The following CSGALNACT1 variants were observed in gnomAD, a reference collection of about 807,000 sequenced individuals.
The protein encoded by CSGALNACT1 is chondroitin sulfate N-acetylgalactosaminyltransferase 1, also known as beta4GalNAcT-1.
CSGALNACT1 carries 52 observed loss-of-function variants against 51.0 expected under a neutral mutation model. The observed-to-expected ratio is 1.02, with a 90% CI of 0.82 to 1.29. The LOEUF is 1.29. Ranked by LOEUF, CSGALNACT1 falls within the 50% of genes most tolerant of loss-of-function variation. The pLI is 0.00. For synonymous variants in CSGALNACT1, 341 were observed against 254.4 expected (o/e 1.34, Z -3.24); for missense variants, 935 against 679.2 (o/e 1.38, Z -4.19).
intron 1 of CSGALNACT1, among the ~76,000 whole-genome samples, chr8:19,714,879 T>C (rs1345492783): frequency 1.3e-5 from 2 of 152,138 alleles, no homozygotes; most frequent in Non-Finnish European, 2.9e-5. Context: ...GTAATAAGCG[T>C]AATACCTGAT....
At chr8:19,686,421 A>G (rs1276896362), upstream of CSGALNACT1, among the ~76,000 whole-genome samples, 1 of 152,220 alleles carries the variant, frequency 6.6e-6, no homozygotes, top group African/African-American at 2.4e-5. Flanking sequence ...TCTTGCTGCC[A>G]CAGCCACCAA....
chr8:19,707,635 A>G (rs904221698), intron 1 of CSGALNACT1, among the ~76,000 whole-genome samples: 8 of 151,934 alleles, frequency 5.3e-5, no homozygotes, highest in African/African-American at 1.9e-4. Flanking sequence ...GCTACACGCA[A>G]TGGAAGACTA....
At chr8:19,553,925 A>ACACACACACC (rs1554697907) in intron 3 of CSGALNACT1, among the ~76,000 whole-genome samples, 7 of 151,632 alleles carry the variant, frequency 4.6e-5, no homozygotes, top group Admixed American at 1.3e-4. Context: ...ACACACACAC[A>ACACACACACC]CCCAGAATCA....
intron 3 of CSGALNACT1, among the ~76,000 whole-genome samples, chr8:19,570,073 G>A (rs1051267894): frequency 6.6e-6 from 1 of 151,440 alleles, no homozygotes; most frequent in Admixed American, 6.6e-5. Flanking sequence ...AAATGGAAGG[G>A]AGGGTAGATT....
At chr8:19,404,394 C>T in exon 10 of CSGALNACT1, 1 of 453,260 alleles carries the variant, frequency 2.2e-6, no homozygotes, top group South Asian at 1.6e-5. Context: ...ATAATTTTCA[C>T]ATGAATGAAG....
chr8:19,537,178 G>T (rs1240174997), intron 3 of CSGALNACT1, among the ~76,000 whole-genome samples: 2 of 152,088 alleles, frequency 1.3e-5, no homozygotes, highest in Non-Finnish European at 2.9e-5. Flanking sequence ...ACAAGAAATG[G>T]TTAATTTGTT....
intron 4 of CSGALNACT1, among the ~76,000 whole-genome samples, chr8:19,495,602 T>C (rs2075312297): frequency 6.6e-6 from 1 of 152,124 alleles, no homozygotes; most frequent in Admixed American, 6.5e-5. Context: ...TCACTACTGA[T>C]GGGTCCTTAG....
chr8:19,752,318 C>T (rs1047597385), intron 1 of CSGALNACT1, among the ~76,000 whole-genome samples: 6 of 151,832 alleles, frequency 4.0e-5, no homozygotes, highest in Non-Finnish European at 8.8e-5. Flanking sequence ...CAGGTTGTGC[C>T]GCAAAGTGTG....
chr8:19,492,181 A>G (rs946089892), intron 4 of CSGALNACT1, among the ~76,000 whole-genome samples: 9 of 152,222 alleles, frequency 5.9e-5, no homozygotes, highest in African/African-American at 1.9e-4. Context: ...ATATGCGAGA[A>G]GGCTCTTCTT....
intron 3 of CSGALNACT1, among the ~76,000 whole-genome samples, chr8:19,564,119 T>G (rs998316752): frequency 2.6e-5 from 4 of 152,170 alleles, no homozygotes; most frequent in African/African-American, 9.7e-5. Context: ...AAACGCTTCT[T>G]TCACTGAACT....
rs552767015 is a variant in CSGALNACT1, at chr8:19,751,164, A to G, written c.-297+6686T>C. Among the ~76,000 whole-genome samples, 63 of 152,302 alleles carry G rather than the reference A, an allele frequency of 4.1e-4. No homozygotes were observed. In the South Asian group the frequency reaches 0.013, roughly 31 times the overall value. On this transcript the variant is annotated intron_variant, in intron 1 of 1. Coordinates refer to the CSGALNACT1 transcript ENST00000517494. ...GAGTATTTATGCTGGAAAAGACAGC[A>G]AAGAAGTCATGAGCTCAGGTCCTGG...
intron 3 of CSGALNACT1, among the ~76,000 whole-genome samples, chr8:19,513,437 T>TATATATATATATAC (rs2078880479): frequency 6.2e-5 from 2 of 32,096 alleles, no homozygotes; most frequent in African/African-American, 2.4e-4. Flanking sequence ...TCTCTCTCTC[T>TATATATATATATAC]ATATATATAT....
At chr8:19,459,437 C>A (rs1339941058) in intron 4 of CSGALNACT1, among the ~76,000 whole-genome samples, 2 of 141,784 alleles carry the variant, frequency 1.4e-5, no homozygotes, top group Admixed American at 1.4e-4. Context: ...TTCAGATGAA[C>A]TGACCATAGT....
intron 3 of CSGALNACT1, among the ~76,000 whole-genome samples, chr8:19,575,778 T>C (rs1358097903): frequency 6.6e-6 from 1 of 152,108 alleles, no homozygotes; most frequent in Non-Finnish European, 1.5e-5. Context: ...ATTCCCCTGA[T>C]TTTTTTCAAG....
intron 4 of CSGALNACT1, among the ~76,000 whole-genome samples, chr8:19,472,343 G>A (rs150277890): frequency 0.01 from 1,582 of 152,278 alleles, 7 homozygotes; most frequent in Non-Finnish European, 0.016. Flanking sequence ...AAAGACCAAG[G>A]AATGTGTGAC....
intron 1 of CSGALNACT1, among the ~76,000 whole-genome samples, chr8:19,652,402 T>C (rs546931501): frequency 1.3e-5 from 2 of 152,328 alleles, no homozygotes; most frequent in East Asian, 3.9e-4. Flanking sequence ...TCATGGACCA[T>C]GACCATGGAT....
At chr8:19,425,912 G>A (rs2058708425) in intron 6 of CSGALNACT1, among the ~76,000 whole-genome samples, 1 of 152,084 alleles carries the variant, frequency 6.6e-6, no homozygotes, top group South Asian at 2.1e-4. Flanking sequence ...CCCCTCCTGT[G>A]CCTCGCCGCA....
In CSGALNACT1 at chr8:19,453,202, CAT is replaced by C. The variant is rs373134802; in HGVS notation, c.851+5222_851+5223del. 6.4e-3 allele frequency among the ~76,000 whole-genome samples: 977 copies of C among 152,278 alleles called. 15 individuals are homozygous for C. Among genetic ancestry groups the C allele is most frequent in the Middle Eastern group, 0.02 (6 of 294 alleles). ...CTCAAACAGAAGAAAATTTCTTAGA[CAT>C]GTTTCACACTTTATTAACAAGAATA... On this transcript the variant is annotated intron_variant, in intron 5 of 9. Transcript: ENST00000454498.
At position 19,530,304 on chromosome 8, in the gene CSGALNACT1, GTACACA is replaced by G. The variant is rs1361020981; in HGVS notation, c.-296-24180_-296-24175del. ...GAATCCATTCAATATCCATGAATGT[GTACACA>G]TACACACACACACACACACACACAC... On this transcript the variant is annotated intron_variant, in intron 3 of 9. Coordinates refer to ENST00000454498, the Ensembl canonical transcript of CSGALNACT1. Among the ~76,000 whole-genome samples the G allele has an allele frequency of 1.5e-4, 19 of 123,614 alleles. No individual in the cohort carries two copies. In the East Asian group the frequency reaches 2.2e-3, roughly 14 times the overall value. 81.1% of individuals were successfully genotyped at this position (123,614 alleles called of 152,430 possible).
Sources: allele counts gnomAD v4.1 joint callset (sites outside exome capture counted in the v4.1 genomes callset), GRCh38; gene constraint gnomAD v4.1.1; transcripts MANE v1.5; gene names NCBI Gene and HGNC (gene_info 2026-07-23, HGNC 2026-07-21).